Variants in EPHB1 observed in about 807,000 individuals in gnomAD.
EPHB1 encodes ephrin type-B receptor 1.
A neutral mutation model predicts 94.4 loss-of-function variants in EPHB1; 30 were observed. That is an observed-to-expected ratio of 0.32 (90% confidence interval 0.24 to 0.43). EPHB1 has a LOEUF of 0.43. Ranked by LOEUF, EPHB1 falls within the 20% of genes least tolerant of loss-of-function variation. The probability of loss-of-function intolerance (pLI) is 1.00; values close to 1 mark genes in which losing one functional copy is unlikely to be tolerated. For synonymous variants in EPHB1, 522 were observed against 489.1 expected (o/e 1.07, Z -0.89); for missense variants, 1,055 against 1,308.3 (o/e 0.81, Z 2.99).
At chr3:134,900,814 G>A (rs2038183934) in intron 1 of EPHB1, among the ~76,000 whole-genome samples, 1 of 152,154 alleles carries the variant, frequency 6.6e-6, no homozygotes, top group Non-Finnish European at 1.5e-5. Flanking sequence ...GGATGTAGTT[G>A]TGAGAGGCAC....
At chr3:135,095,781 A>T (rs1482554793) in intron 3 of EPHB1, among the ~76,000 whole-genome samples, 1 of 152,156 alleles carries the variant, frequency 6.6e-6, no homozygotes, top group Non-Finnish European at 1.5e-5. Flanking sequence ...GCCTTTTCAC[A>T]GGCTGCTCTC....
In EPHB1 at chr3:134,951,356, G is replaced by A. The variant is rs1216682058; in HGVS notation, c.124-15G>A. 1 of 1,528,328 alleles carries A rather than the reference G, an allele frequency of 6.5e-7. No homozygotes were observed. Among genetic ancestry groups the A allele is most frequent in the Non-Finnish European group, 8.8e-7 (1 of 1,137,084 alleles). The allele number at this position is 1,528,328 out of a possible 1,614,324, so 94.7% of individuals were successfully genotyped here. The stretch of plus-strand genomic sequence containing the variant: ...GTGTTTTTGCATGTGTGTGCCTGTG[G>A]CCTGCTATGTACAGTGGGAAGAAGT... On this transcript the variant is annotated splice_polypyrimidine_tract_variant and intron_variant, in intron 2 of 15. Coordinates refer to ENST00000398015, the MANE Select transcript of EPHB1 (RefSeq NM_004441.5). The surrounding 1 kb of genome is among the most constrained non-coding windows in gnomAD (Gnocchi z 4.5).
At position 134,880,586 on chromosome 3, in the gene EPHB1, A is replaced by G. The variant is rs544573506; in HGVS notation, c.59-45230A>G. 2.2e-3 allele frequency among the ~76,000 whole-genome samples: 336 copies of G among 152,292 alleles called. 2 individuals are homozygous for G. The highest frequency in any genetic ancestry group is 7.6e-3 in the African/African-American group (314 of 41,572). The stretch of plus-strand genomic sequence containing the variant: ...CCGACACAGCCAAGAGATGACCCCA[A>G]CCACTTCCAAGGGTGTGGCATTGAG... On this transcript the variant is annotated intron_variant, in intron 1 of 15. Transcript: ENST00000398015.
chr3:135,108,419 A>G (rs1046934706), intron 4 of EPHB1, among the ~76,000 whole-genome samples: 1 of 152,208 alleles, frequency 6.6e-6, no homozygotes, highest in African/African-American at 2.4e-5. Flanking sequence ...AACATTTGCA[A>G]TGCATGTTAC....
At chr3:135,017,945 C>A (rs932356854) in intron 3 of EPHB1, among the ~76,000 whole-genome samples, 3 of 152,076 alleles carry the variant, frequency 2.0e-5, no homozygotes, top group African/African-American at 7.2e-5. Flanking sequence ...TATGACCTTT[C>A]ACTGCAGCTG....
chr3:135,082,045 A>G (rs1183414384), intron 3 of EPHB1, among the ~76,000 whole-genome samples: 5 of 151,948 alleles, frequency 3.3e-5, no homozygotes, highest in African/African-American at 1.2e-4. Flanking sequence ...TCTTCCCAGC[A>G]TGAGTGATTG....
chr3:135,106,258 T>C lies in EPHB1; in HGVS notation c.806-190T>C, dbSNP rs544097655. Among the ~76,000 whole-genome samples, 8 of 152,332 alleles carry C rather than the reference T, an allele frequency of 5.3e-5. No homozygotes were observed. In the South Asian group the frequency reaches 1.7e-3, roughly 32 times the overall value. On this transcript the variant is annotated intron_variant, in intron 3 of 15. Coordinates refer to ENST00000398015, the MANE Select transcript of EPHB1 (RefSeq NM_004441.5). ...AGAGGTCATTGGTACCAAGAAGATA[T>C]ATTTCACAAAGGATTTTTGAAGAAT...
intron 15 of EPHB1, among the ~76,000 whole-genome samples, chr3:135,253,768 A>G (rs1299927465): frequency 6.6e-6 from 1 of 151,648 alleles, no homozygotes; most frequent in Non-Finnish European, 1.5e-5. Flanking sequence ...TGGTAGCTTG[A>G]TGGGGATGGC....
intron 1 of EPHB1, among the ~76,000 whole-genome samples, chr3:134,919,691 A>G (rs960218914): frequency 1.3e-5 from 2 of 152,156 alleles, no homozygotes; most frequent in Non-Finnish European, 2.9e-5. Flanking sequence ...GCATGTGCAG[A>G]TCAGGTTCGG....
chr3:135,160,673 A>T (rs1373856865), intron 6 of EPHB1, among the ~76,000 whole-genome samples: 2 of 152,222 alleles, frequency 1.3e-5, no homozygotes, highest in Non-Finnish European at 2.9e-5. Context: ...ATCTTTGCAA[A>T]GAAAAGATAT....
At chr3:135,193,984 A>C (rs1203803872) in intron 11 of EPHB1, among the ~76,000 whole-genome samples, 1 of 152,140 alleles carries the variant, frequency 6.6e-6, no homozygotes, top group Non-Finnish European at 1.5e-5. Flanking sequence ...TTTCATTCAT[A>C]TATTAGGTGG....
chr3:134,855,797 T>G lies in EPHB1; in HGVS notation c.58+60108T>G, dbSNP rs1238192912. ...GGACCTAGAGCAGCTTCTGTTGCAC[T>G]GCAATAACTCGTGGTATTGAGCCCT... On this transcript the variant is annotated intron_variant, in intron 1 of 15. Transcript: ENST00000398015. Among the ~76,000 whole-genome samples, 7 of 152,186 alleles carry G rather than the reference T, an allele frequency of 4.6e-5. No homozygotes were observed. The South Asian group carries it at 1.0e-3, about 22-fold the overall frequency.
At chr3:134,933,259 C>T (rs1158531258) in intron 2 of EPHB1, among the ~76,000 whole-genome samples, 1 of 152,160 alleles carries the variant, frequency 6.6e-6, no homozygotes, top group East Asian at 1.9e-4. Flanking sequence ...TCTGCAGCAG[C>T]CCCAGCCCCT....
intron 3 of EPHB1, among the ~76,000 whole-genome samples, chr3:135,031,096 C>G (rs560978412): frequency 1.3e-5 from 2 of 152,132 alleles, no homozygotes; most frequent in Non-Finnish European, 2.9e-5. Context: ...GCACGGTGCG[C>G]GCACCCACTG....
At position 134,915,813 on chromosome 3, in the gene EPHB1, C is replaced by T. The variant is rs138930428; in HGVS notation, c.59-10003C>T. ...CTGCAGACCTTCGCGGTGAGTGTTA[C>T]ATCTCATAAAGGCGTTGTGGACCCA... On this transcript the variant is annotated intron_variant, in intron 1 of 15. Transcript: ENST00000398015. Among the ~76,000 whole-genome samples the T allele has an allele frequency of 1.5e-3, 224 of 152,250 alleles. 2 individuals are homozygous for T. Among genetic ancestry groups the T allele is most frequent in the Non-Finnish European group, 2.5e-3 (172 of 68,018 alleles).
intron 3 of EPHB1, among the ~76,000 whole-genome samples, chr3:134,985,457 C>T (rs1934564535): frequency 6.6e-6 from 1 of 152,166 alleles, no homozygotes; most frequent in South Asian, 2.1e-4. Flanking sequence ...CATGCCCGGC[C>T]GGTGGGCTTT....
chr3:134,908,261 T>C (rs2038377711), intron 1 of EPHB1, among the ~76,000 whole-genome samples: 1 of 152,214 alleles, frequency 6.6e-6, no homozygotes, highest in South Asian at 2.1e-4. Flanking sequence ...ATGGAGGTGC[T>C]AACATTCCCA....
intron 1 of EPHB1, among the ~76,000 whole-genome samples, chr3:134,907,396 G>A (rs553437513): frequency 6.6e-6 from 1 of 152,114 alleles, no homozygotes; most frequent in African/African-American, 2.4e-5. Flanking sequence ...AGGGCAGATG[G>A]GCCCAAAGTG....
chr3:135,002,423 G>T lies in EPHB1; in HGVS notation c.805+50371G>T, dbSNP rs374177995. ...GTGATATTGGTCTAAAATTCTCTTT[G>T]TTGGTTGTGTCTCTGCCCGGCTTTG... On this transcript the variant is annotated intron_variant, in intron 3 of 15. Transcript: ENST00000398015. Among the ~76,000 whole-genome samples, 1,321 of 136,696 alleles carry T rather than the reference G, an allele frequency of 9.7e-3. 20 individuals carry two copies. The highest frequency in any genetic ancestry group is 0.027 in the African/African-American group (1,073 of 40,258). 89.7% of individuals were successfully genotyped at this position (136,696 alleles called of 152,430 possible).
Sources: gnomAD v4.1 joint callset for allele counts (sites outside exome capture counted in the v4.1 genomes callset) on GRCh38, gnomAD v4.1.1 for gene constraint, Gnocchi (gnomAD v3.1) non-coding constraint, MANE v1.5 for transcripts, NCBI Gene and HGNC (gene_info 2026-07-23, HGNC 2026-07-21) for gene names.